Variants in PHF20 observed in about 807,000 individuals in gnomAD.
PHF20 encodes glioma-expressed antigen 2.
Under a neutral mutation model 113.5 loss-of-function variants are expected in PHF20, and 23 were observed. The observed-to-expected ratio is 0.20, with a 90% CI of 0.15 to 0.29. The LOEUF (loss-of-function observed/expected upper bound fraction) is 0.29. Ranked by LOEUF, PHF20 falls within the 10% of genes least tolerant of loss-of-function variation. PHF20 has a pLI of 1.00. For missense variants in PHF20, 943 were observed against 1,219.6 expected (o/e 0.77, Z 3.38); for synonymous variants, 434 against 457.3 (o/e 0.95, Z 0.65).
chr20:35,774,384 T>C (rs1341346935), intron 1 of PHF20: 1 of 152,310 alleles, frequency 6.6e-6, no homozygotes, highest in Non-Finnish European at 1.5e-5. Context: ...CTCTTGTCAA[T>C]CTTTACCCCC....
chr20:35,916,188 A>C (rs1435031299), intron 12 of PHF20, among the ~76,000 whole-genome samples: 2 of 152,262 alleles, frequency 1.3e-5, no homozygotes, highest in Non-Finnish European at 2.9e-5. Context: ...TTATTGCTTA[A>C]AAATGCTGAC....
intron 17 of PHF20, among the ~76,000 whole-genome samples, chr20:35,947,176 T>A (rs1368950547): frequency 6.6e-6 from 1 of 152,226 alleles, no homozygotes; most frequent in East Asian, 1.9e-4. Flanking sequence ...CAGCGCTCAA[T>A]AGCTGCATAA....
chr20:35,803,682 A>ATGTG (rs1391670416), intron 2 of PHF20, among the ~76,000 whole-genome samples: 5 of 124,220 alleles, frequency 4.0e-5, no homozygotes, highest in African/African-American at 1.6e-4. Context: ...CAGTATATAT[A>ATGTG]TATGTGTGTG....
intron 17 of PHF20, among the ~76,000 whole-genome samples, chr20:35,942,629 A>G (rs889933033): frequency 2.0e-5 from 3 of 152,208 alleles, no homozygotes; most frequent in Non-Finnish European, 4.4e-5. Flanking sequence ...GTGTCTTGCT[A>G]ATTCAGAGCC....
intron 3 of PHF20, among the ~76,000 whole-genome samples, chr20:35,842,982 C>T (rs1435983422): frequency 6.6e-6 from 1 of 152,108 alleles, no homozygotes; most frequent in African/African-American, 2.4e-5. Flanking sequence ...AGTCTCTGCT[C>T]ACTGCAGTCT....
intron 10 of PHF20, among the ~76,000 whole-genome samples, chr20:35,910,041 T>C (rs2055268979): frequency 6.6e-6 from 1 of 152,226 alleles, no homozygotes. Context: ...AAATGGAATC[T>C]GATTGTCTAC....
At chr20:35,842,851 G>T in intron 3 of PHF20, 107 bp downstream of exon 3, 2 of 869,682 alleles carry the variant, frequency 2.3e-6, no homozygotes, top group Non-Finnish European at 1.8e-6. Context: ...TCTTATTTAG[G>T]CCTATAGTTG....
chr20:35,839,625 A>G (rs1239329727), intron 2 of PHF20, among the ~76,000 whole-genome samples: 1 of 152,148 alleles, frequency 6.6e-6, no homozygotes, highest in African/African-American at 2.4e-5. Context: ...ACAATTAGCC[A>G]GTCTGTTGTC....
intron 1 of PHF20, among the ~76,000 whole-genome samples, chr20:35,794,165 G>T (rs941595354): frequency 4.0e-5 from 6 of 151,850 alleles, no homozygotes; most frequent in African/African-American, 1.5e-4. Context: ...GCCAGGCGTG[G>T]TGGCACATAC....
At chr20:35,903,623 G>A (rs189019044) in intron 10 of PHF20, among the ~76,000 whole-genome samples, 35 of 152,232 alleles carry the variant, frequency 2.3e-4, no homozygotes, top group Non-Finnish European at 3.7e-4. Flanking sequence ...TATCTCCCAT[G>A]CCTCATTGCT....
At chr20:35,894,760 G>A (rs1383675548) in intron 9 of PHF20, among the ~76,000 whole-genome samples, 1 of 152,192 alleles carries the variant, frequency 6.6e-6, no homozygotes, top group Non-Finnish European at 1.5e-5. Context: ...GGAAGAACTC[G>A]GTTTTGAAAT....
intron 1 of PHF20, among the ~76,000 whole-genome samples, chr20:35,780,327 G>A (rs1320773689): frequency 1.4e-5 from 2 of 147,112 alleles, no homozygotes; most frequent in Admixed American, 1.4e-4. Context: ...CCGGGTTTAC[G>A]CCATTCTCCT....
intron 10 of PHF20, among the ~76,000 whole-genome samples, chr20:35,905,928 TTGCTTTTCCAAA>T (rs1429236991): frequency 2.0e-5 from 3 of 152,224 alleles, no homozygotes; most frequent in African/African-American, 7.2e-5. Context: ...CAGTTTAGAT[TTGCTTTTCCAAA>T]TGAGGTTTCT....
intron 4 of PHF20, among the ~76,000 whole-genome samples, chr20:35,849,652 G>A (rs957011969): frequency 6.6e-6 from 1 of 152,194 alleles, no homozygotes; most frequent in African/African-American, 2.4e-5. Flanking sequence ...GACAATGCTA[G>A]TCTCTCTTTT....
At chr20:35,791,537 GTATATATA>G (rs59752864) in intron 1 of PHF20, among the ~76,000 whole-genome samples, 20 of 127,208 alleles carry the variant, frequency 1.6e-4, no homozygotes, top group Admixed American at 9.6e-4. Flanking sequence ...TTAGAATAGT[GTATATATA>G]TATATATATA....
intron 13 of PHF20, among the ~76,000 whole-genome samples, chr20:35,923,706 AT>A (rs957576102): frequency 6.6e-6 from 1 of 152,124 alleles, no homozygotes; most frequent in Non-Finnish European, 1.5e-5. Flanking sequence ...CCTTTTAAAA[AT>A]TTTTTGGTAA....
At chr20:35,792,406 C>G (rs1018161238) in intron 1 of PHF20, among the ~76,000 whole-genome samples, 2 of 151,952 alleles carry the variant, frequency 1.3e-5, no homozygotes, top group Non-Finnish European at 2.9e-5. Context: ...CCAGGCTGGT[C>G]TCAAACTACT....
intron 1 of PHF20, among the ~76,000 whole-genome samples, chr20:35,789,814 G>A (rs1166911333): frequency 2.0e-5 from 3 of 151,064 alleles, no homozygotes; most frequent in African/African-American, 4.9e-5. Context: ...ACAAAGTGGT[G>A]GGATTGCAGG....
At chr20:35,914,364 A>G (rs573903909) in intron 12 of PHF20, among the ~76,000 whole-genome samples, 167 bp downstream of exon 12, 1 of 152,352 alleles carries the variant, frequency 6.6e-6, no homozygotes, top group African/African-American at 2.4e-5. Flanking sequence ...TGTTTATACT[A>G]TATTGTAGTC....
Sources: allele counts gnomAD v4.1 joint callset (sites outside exome capture counted in the v4.1 genomes callset), GRCh38; gene constraint gnomAD v4.1.1; transcripts MANE v1.5; gene names NCBI Gene and HGNC (gene_info 2026-07-23, HGNC 2026-07-21).